DLG2: variants seen among roughly 807,000 people sequenced by gnomAD.
DLG2 encodes the protein disks large homolog 2.
Under a neutral mutation model 132.5 loss-of-function variants are expected in DLG2, and 45 were observed. The ratio of observed to expected loss-of-function variants is 0.34; its 90% CI spans 0.27 to 0.44. The LOEUF (loss-of-function observed/expected upper bound fraction) is 0.44. Among genes scored for constraint, DLG2 ranks in the 20% least tolerant of loss-of-function variants. DLG2 has a pLI of 1.00. For synonymous variants in DLG2, 424 were observed against 419.6 expected, an observed-to-expected ratio of 1.01 and a Z score of -0.13; for missense variants, 1,045 against 1,196.9, an observed-to-expected ratio of 0.87 and a Z score of 1.87.
chr11:84,463,436 C>T (rs951538623), intron 7 of DLG2, among the ~76,000 whole-genome samples: 1 of 151,110 alleles, frequency 6.6e-6, no homozygotes, highest in Non-Finnish European at 1.5e-5. Flanking sequence ...TTGGTCATAT[C>T]TGAGCCCTCT....
chr11:84,792,513 T>G (rs937104978), intron 6 of DLG2, among the ~76,000 whole-genome samples: 1 of 152,158 alleles, frequency 6.6e-6, no homozygotes, highest in Non-Finnish European at 1.5e-5. Flanking sequence ...ATTACTTCTT[T>G]AAATCTTGGT....
chr11:84,765,244 TG>T (rs140814246), intron 6 of DLG2, among the ~76,000 whole-genome samples: 9,615 of 152,172 alleles, frequency 0.063, 370 homozygotes, highest in Non-Finnish European at 0.092. Flanking sequence ...TATGCCAGGT[TG>T]AATTATATAG....
At chr11:85,459,896 T>A (rs1434234303) in intron 3 of DLG2, among the ~76,000 whole-genome samples, 1 of 152,206 alleles carries the variant, frequency 6.6e-6, no homozygotes, top group Admixed American at 6.5e-5. Context: ...AGGACTCATG[T>A]GTAGAACACT....
At chr11:83,523,063 A>T (rs1464669375) in intron 21 of DLG2, among the ~76,000 whole-genome samples, 1 of 152,200 alleles carries the variant, frequency 6.6e-6, no homozygotes, top group African/African-American at 2.4e-5. Context: ...CTGCATCTTT[A>T]TCTTTCAGTG....
chr11:85,200,993 C>T (rs776533170), intron 4 of DLG2, among the ~76,000 whole-genome samples: 1 of 151,980 alleles, frequency 6.6e-6, no homozygotes, highest in Non-Finnish European at 1.5e-5. Flanking sequence ...TCATGCTCCT[C>T]ATGGCTAATG....
chr11:85,018,564 T>C (rs529099098), intron 6 of DLG2, among the ~76,000 whole-genome samples: 1 of 152,282 alleles, frequency 6.6e-6, no homozygotes, highest in Non-Finnish European at 1.5e-5. Flanking sequence ...GGATCTCACA[T>C]GGGAAAGTTC....
chr11:85,188,983 A>C (rs1459046751), intron 4 of DLG2, among the ~76,000 whole-genome samples: 2 of 152,186 alleles, frequency 1.3e-5, no homozygotes, highest in African/African-American at 4.8e-5. Flanking sequence ...CTATAGATCC[A>C]TGAAACTGAA....
chr11:85,259,264 T>C (rs1290737269), intron 4 of DLG2, among the ~76,000 whole-genome samples: 2 of 152,036 alleles, frequency 1.3e-5, no homozygotes, highest in Non-Finnish European at 2.9e-5. Flanking sequence ...CCCCCTTCGC[T>C]CTCTCCTCTC....
At chr11:83,808,799 G>C (rs777047911) in intron 17 of DLG2, among the ~76,000 whole-genome samples, 2 of 152,066 alleles carry the variant, frequency 1.3e-5, no homozygotes, top group Non-Finnish European at 2.9e-5. Flanking sequence ...GCACTGTAAA[G>C]GTGTGGTCCC....
chr11:84,590,674 G>T (rs538963795), intron 6 of DLG2, among the ~76,000 whole-genome samples: 2 of 152,214 alleles, frequency 1.3e-5, no homozygotes, highest in African/African-American at 4.8e-5. Flanking sequence ...ATATGAAGGT[G>T]TTCCTTACCT....
At chr11:84,958,293 C>G (rs981024952) in intron 6 of DLG2, among the ~76,000 whole-genome samples, 4 of 152,184 alleles carry the variant, frequency 2.6e-5, no homozygotes, top group African/African-American at 7.2e-5. Context: ...CCAAATTCTA[C>G]GGAGAAAGAG....
At chr11:84,213,042 T>C (rs912759196) in intron 8 of DLG2, among the ~76,000 whole-genome samples, 5 of 152,188 alleles carry the variant, frequency 3.3e-5, no homozygotes, top group African/African-American at 9.6e-5. Flanking sequence ...CACACTGTTA[T>C]TATTCTTTAC....
intron 3 of DLG2, among the ~76,000 whole-genome samples, chr11:85,349,988 C>T (rs1018453559): frequency 6.6e-6 from 1 of 152,242 alleles, no homozygotes; most frequent in African/African-American, 2.4e-5. Context: ...AATCGCCACA[C>T]TGTCATCCAC....
intron 18 of DLG2, among the ~76,000 whole-genome samples, chr11:83,760,567 G>A (rs1264396983): frequency 1.3e-5 from 2 of 151,830 alleles, no homozygotes; most frequent in African/African-American, 2.4e-5. Flanking sequence ...TGTTGACCAG[G>A]CTGGTCTCAA....
Position 84,144,125 on chromosome 11 carries a change from T to C in DLG2, c.624+19336A>G, listed in dbSNP as rs111807656. 1.9e-3 allele frequency among the ~76,000 whole-genome samples: 294 copies of C among 152,258 alleles called. 2 individuals carry two copies. Among genetic ancestry groups the C allele is most frequent in the African/African-American group, 6.8e-3 (284 of 41,550 alleles). ...AAAAATTTCATGACCTGCTATGTAA[T>C]AGGGTTTTGTTGTTTACTTTCATAT... On this transcript the variant is annotated intron_variant, in intron 9 of 27. Coordinates refer to ENST00000376104, the MANE Select transcript of DLG2 (RefSeq NM_001142699.3).
intron 11 of DLG2, among the ~76,000 whole-genome samples, chr11:83,998,165 A>G (rs953902066): frequency 1.3e-5 from 2 of 152,132 alleles, no homozygotes; most frequent in Non-Finnish European, 2.9e-5. Context: ...AGAAAGGAAT[A>G]CAATTAAAGT....
intron 19 of DLG2, among the ~76,000 whole-genome samples, chr11:83,588,886 A>G (rs971691190): frequency 1.1e-4 from 17 of 152,086 alleles, no homozygotes; most frequent in African/African-American, 4.1e-4. Context: ...AAGAAAGGGT[A>G]TCAGTGATGG....
At chr11:85,554,568 C>T (rs773391219) in intron 3 of DLG2, among the ~76,000 whole-genome samples, 1 of 151,818 alleles carries the variant, frequency 6.6e-6, no homozygotes, top group South Asian at 2.1e-4. Context: ...CATAGCTTGG[C>T]TTTGAAGGAA....
At chr11:83,716,897 A>G (rs921595203) in intron 18 of DLG2, among the ~76,000 whole-genome samples, 1 of 152,190 alleles carries the variant, frequency 6.6e-6, no homozygotes, top group African/African-American at 2.4e-5. Context: ...GGAATTGCGT[A>G]GGCATGAAAA....
Sources: allele counts gnomAD v4.1 joint callset (sites outside exome capture counted in the v4.1 genomes callset), GRCh38; gene constraint gnomAD v4.1.1; transcripts MANE v1.5; gene names NCBI Gene and HGNC (gene_info 2026-07-23, HGNC 2026-07-21).